The following AGBL1 variants were observed in gnomAD, a reference collection of about 807,000 sequenced individuals.
AGBL1 encodes the protein AGBL carboxypeptidase 1.
AGBL1 carries 130 observed loss-of-function variants against 118.9 expected under a neutral mutation model. The ratio of observed to expected loss-of-function variants is 1.09; its 90% CI spans 0.95 to 1.26. The LOEUF is 1.26. Ranked by LOEUF, AGBL1 falls within the 50% of genes most tolerant of loss-of-function variation. The pLI is 0.00. For synonymous variants in AGBL1, 555 were observed against 478.9 expected (o/e 1.16, Z -2.08); for missense variants, 1,584 against 1,298.1 (o/e 1.22, Z -3.38).
chr15:86,248,844 G>A (rs1715897164), intron 7 of AGBL1, among the ~76,000 whole-genome samples: 1 of 152,198 alleles, frequency 6.6e-6, no homozygotes, highest in African/African-American at 2.4e-5. Context: ...GCTGCCATAG[G>A]TAGAGGGAGC....
At chr15:87,021,846 C>T (rs183274799) in intron 24 of AGBL1, among the ~76,000 whole-genome samples, 2 of 152,190 alleles carry the variant, frequency 1.3e-5, no homozygotes, top group East Asian at 3.9e-4. Flanking sequence ...AGGAATAAAT[C>T]AGGAAACCTG....
intron 22 of AGBL1, among the ~76,000 whole-genome samples, chr15:86,783,594 G>T (rs1199309559): frequency 6.6e-6 from 1 of 152,084 alleles, no homozygotes; most frequent in Non-Finnish European, 1.5e-5. Flanking sequence ...ATAATTAGAG[G>T]AACACACTGT....
chr15:86,971,472 A>G (rs2081108033), intron 23 of AGBL1, among the ~76,000 whole-genome samples: 1 of 151,966 alleles, frequency 6.6e-6, no homozygotes, highest in Non-Finnish European at 1.5e-5. Context: ...CATTTATACT[A>G]TTCCTACTAA....
intron 6 of AGBL1, among the ~76,000 whole-genome samples, chr15:86,233,634 A>T (rs543864121): frequency 1.8e-4 from 28 of 152,342 alleles, no homozygotes; most frequent in Admixed American, 1.6e-3. Flanking sequence ...GTTTGAGATT[A>T]CAACTTAAAA....
chr15:86,694,267 T>G (rs924231468), intron 22 of AGBL1, among the ~76,000 whole-genome samples: 6 of 152,160 alleles, frequency 3.9e-5, no homozygotes, highest in African/African-American at 1.4e-4. Context: ...TTCTATGTTT[T>G]CTTTCAGCAG....
At chr15:86,410,495 C>T (rs1180429283) in intron 18 of AGBL1, among the ~76,000 whole-genome samples, 2 of 151,906 alleles carry the variant, frequency 1.3e-5, no homozygotes, top group Non-Finnish European at 2.9e-5. Flanking sequence ...CTTCTCTACT[C>T]CTGTTTGCTC....
At chr15:87,014,087 T>TATTA (rs2081587152) in intron 24 of AGBL1, among the ~76,000 whole-genome samples, 2 of 152,244 alleles carry the variant, frequency 1.3e-5, no homozygotes, top group Non-Finnish European at 2.9e-5. Flanking sequence ...TTATTTCTTG[T>TATTA]ATTAATTCCA....
chr15:86,440,522 G>C (rs1567261355), intron 18 of AGBL1, among the ~76,000 whole-genome samples: 2 of 89,354 alleles, frequency 2.2e-5, no homozygotes, highest in Non-Finnish European at 4.3e-5. Context: ...AACAGTTAAT[G>C]GAAGTTAACC....
intron 21 of AGBL1, among the ~76,000 whole-genome samples, chr15:86,611,874 C>T (rs1291249814): frequency 6.6e-6 from 1 of 152,078 alleles, no homozygotes; most frequent in African/African-American, 2.4e-5. Flanking sequence ...ACAAGACTGC[C>T]AAGAAAGTTA....
At chr15:86,677,853 G>A (rs546463756) in intron 22 of AGBL1, among the ~76,000 whole-genome samples, 29 of 151,806 alleles carry the variant, frequency 1.9e-4, no homozygotes, top group African/African-American at 7.0e-4. Flanking sequence ...ATTTGTAAAA[G>A]TATAATTTTG....
chr15:86,207,343 G>A (rs1182799589), intron 5 of AGBL1, among the ~76,000 whole-genome samples: 4 of 152,140 alleles, frequency 2.6e-5, no homozygotes, highest in African/African-American at 7.2e-5. Flanking sequence ...TTCCAATTCT[G>A]TGAAGAAAAT....
At chr15:86,217,062 G>A (rs1452841141) in intron 5 of AGBL1, among the ~76,000 whole-genome samples, 2 of 152,130 alleles carry the variant, frequency 1.3e-5, no homozygotes, top group East Asian at 3.8e-4. Context: ...TTTAAATCTT[G>A]TAACCCATTC....
At chr15:86,437,002 GTT>G (rs201016819) in intron 18 of AGBL1, among the ~76,000 whole-genome samples, 4 of 140,022 alleles carry the variant, frequency 2.9e-5, no homozygotes, top group Non-Finnish European at 6.3e-5. Flanking sequence ...GCAGGACTTT[GTT>G]TTTTTTTTTT....
intron 16 of AGBL1, among the ~76,000 whole-genome samples, chr15:86,293,456 C>A (rs1044762799): frequency 1.3e-5 from 2 of 152,088 alleles, no homozygotes; most frequent in Non-Finnish European, 2.9e-5. Flanking sequence ...AGACTGAGGT[C>A]TTATGGGGCC....
chr15:86,424,730 G>A (rs2081842550), intron 18 of AGBL1, among the ~76,000 whole-genome samples: 1 of 152,138 alleles, frequency 6.6e-6, no homozygotes, highest in African/African-American at 2.4e-5. Flanking sequence ...GTGGGCAAAG[G>A]ATGTGAATAG....
At chr15:86,797,508 C>T (rs981299752) in intron 22 of AGBL1, among the ~76,000 whole-genome samples, 1 of 152,214 alleles carries the variant, frequency 6.6e-6, no homozygotes, top group African/African-American at 2.4e-5. Context: ...ATAAAAAATG[C>T]ACCAGGCAAT....
chr15:86,152,378 G>C (rs1423062170), intron 3 of AGBL1, among the ~76,000 whole-genome samples: 1 of 152,164 alleles, frequency 6.6e-6, no homozygotes, highest in Non-Finnish European at 1.5e-5. Context: ...ACAACGATCT[G>C]ATCTGTGACA....
chr15:86,565,234 G>A (rs750148818), intron 21 of AGBL1, among the ~76,000 whole-genome samples: 1 of 152,196 alleles, frequency 6.6e-6, no homozygotes, highest in Non-Finnish European at 1.5e-5. Flanking sequence ...CAGCTTTCCT[G>A]CTCTGTTTTT....
At chr15:86,935,034 C>A (rs1008003498) in intron 23 of AGBL1, 1 of 152,134 alleles carries the variant, frequency 6.6e-6, no homozygotes, top group Non-Finnish European at 1.5e-5. Flanking sequence ...AATAAATTTA[C>A]ACTGCAGCTG....
Sources: allele counts gnomAD v4.1 joint callset (sites outside exome capture counted in the v4.1 genomes callset), GRCh38; gene constraint gnomAD v4.1.1; transcripts MANE v1.5; gene names NCBI Gene and HGNC (gene_info 2026-07-23, HGNC 2026-07-21).